The following PHLPP1 variants were observed in gnomAD, a reference collection of about 807,000 sequenced individuals.
PHLPP1 encodes the protein PH domain and leucine rich repeat protein phosphatase 1, also known as PH domain leucine-rich repeat-containing protein phosphatase 1.
A neutral mutation model predicts 117.2 loss-of-function variants in PHLPP1; 42 were observed. The ratio of observed to expected loss-of-function variants is 0.36; its 90% CI spans 0.28 to 0.46. PHLPP1 has a LOEUF of 0.46. Among genes scored for constraint, PHLPP1 ranks in the 20% least tolerant of loss-of-function variants. The pLI, the probability that PHLPP1 is intolerant of heterozygous loss-of-function variation, is 1.00. For synonymous variants in PHLPP1, 1,042 were observed against 970.7 expected, an observed-to-expected ratio of 1.07 and a Z score of -1.37; for missense variants, 2,084 against 2,241.9, an observed-to-expected ratio of 0.93 and a Z score of 1.42.
intron 16 of PHLPP1, among the ~76,000 whole-genome samples, chr18:62,976,271 G>A (rs1162334940): frequency 1.3e-5 from 2 of 152,154 alleles, no homozygotes; most frequent in Non-Finnish European, 2.9e-5. Flanking sequence ...ATCCTACAGC[G>A]CTGCTAGGAC....
At chr18:62,878,198 G>A (rs1381461866) in intron 4 of PHLPP1, among the ~76,000 whole-genome samples, 1 of 152,176 alleles carries the variant, frequency 6.6e-6, no homozygotes, top group African/African-American at 2.4e-5. Context: ...ACAGCTCCTA[G>A]TGCATAGTAA....
At chr18:62,768,644 C>T (rs923877363) in intron 1 of PHLPP1, among the ~76,000 whole-genome samples, 1 of 152,122 alleles carries the variant, frequency 6.6e-6, no homozygotes, top group African/African-American at 2.4e-5. Flanking sequence ...AAATATAATT[C>T]TGCTGAGCTT....
At chr18:62,951,691 G>A (rs11872204) in intron 12 of PHLPP1, among the ~76,000 whole-genome samples, 17,313 of 151,372 alleles carry the variant, frequency 0.11, 1,279 homozygotes, top group African/African-American at 0.21. Context: ...TTTTTTTAAT[G>A]TAAAAATAAT....
chr18:62,725,131 G>GT (rs1165610319), intron 1 of PHLPP1, among the ~76,000 whole-genome samples: 21 of 152,176 alleles, frequency 1.4e-4, no homozygotes, highest in Non-Finnish European at 1.3e-4. Flanking sequence ...GGCTGAGTCG[G>GT]GCAGATCACC....
chr18:62,736,931 A>T (rs1381423754), intron 1 of PHLPP1, among the ~76,000 whole-genome samples: 1 of 152,252 alleles, frequency 6.6e-6, no homozygotes, highest in Non-Finnish European at 1.5e-5. Flanking sequence ...AGCTATGGCT[A>T]TCAGACAGAA....
chr18:62,813,675 C>T (rs1266888437), intron 1 of PHLPP1, among the ~76,000 whole-genome samples: 1 of 152,164 alleles, frequency 6.6e-6, no homozygotes. Context: ...AAATCTCACG[C>T]TCCTGCCCAG....
chr18:62,880,967 T>C (rs895489605), intron 4 of PHLPP1, among the ~76,000 whole-genome samples: 2 of 152,356 alleles, frequency 1.3e-5, no homozygotes, highest in Admixed American at 1.3e-4. Context: ...TATTTGTTAT[T>C]GTATCCATAG....
intron 2 of PHLPP1, among the ~76,000 whole-genome samples, chr18:62,837,345 A>AT (rs1453370698): frequency 1.3e-5 from 2 of 152,018 alleles, no homozygotes; most frequent in African/African-American, 4.8e-5. Context: ...GGTAAAACAT[A>AT]TTTTTTCTAA....
chr18:62,957,186 G>A lies in PHLPP1; in HGVS notation c.3325-1443G>A, dbSNP rs75433733. ...TTGTATCTAGAGCGCTGACCACTCCGTTTCTCTTGTGTATGCTGAGCCTTC... is the reference window on the plus strand; with the variant it reads ...TTGTATCTAGAGCGCTGACCACTCCATTTCTCTTGTGTATGCTGAGCCTTC... On this transcript the variant is annotated intron_variant, in intron 12 of 16. Coordinates refer to ENST00000262719, the MANE Select transcript of PHLPP1 (RefSeq NM_194449.4). Among the ~76,000 whole-genome samples the A allele has an allele frequency of 6.2e-4, 95 of 152,212 alleles. 2 individuals are homozygous for A. The East Asian group carries it at 0.016, about 25-fold the overall frequency.
intron 1 of PHLPP1, 41 bp downstream of exon 1, chr18:62,717,300 G>A (rs759690618): frequency 6.5e-7 from 1 of 1,533,336 alleles, no homozygotes; most frequent in Admixed American, 2.0e-5. Flanking sequence ...TGCAAAAGCT[G>A]CCGAGGACCG....
chr18:62,782,693 ATC>A lies in PHLPP1; in HGVS notation c.1577-47340_1577-47339del, dbSNP rs146345974. Among the ~76,000 whole-genome samples, 330 of 152,312 alleles carry A rather than the reference ATC, an allele frequency of 2.2e-3. 3 individuals carry two copies. Among genetic ancestry groups the A allele is most frequent in the African/African-American group, 7.6e-3 (316 of 41,564 alleles). On this transcript the variant is annotated intron_variant, in intron 1 of 16. Coordinates refer to ENST00000262719, the MANE Select transcript of PHLPP1 (RefSeq NM_194449.4). ...TTTTATCCTATTCACTGACTTTAAT[ATC>A]TATCCCTAGGTAAGATAGGGATAAA...
chr18:62,967,832 T>C (rs911325008), intron 14 of PHLPP1, among the ~76,000 whole-genome samples: 2 of 151,954 alleles, frequency 1.3e-5, no homozygotes, highest in African/African-American at 4.8e-5. Flanking sequence ...ATTTTTCTTT[T>C]TTTTTTTTTT....
At chr18:62,878,778 TTGTGTG>T (rs138248935) in intron 4 of PHLPP1, among the ~76,000 whole-genome samples, 7 of 150,154 alleles carry the variant, frequency 4.7e-5, no homozygotes, top group Non-Finnish European at 8.9e-5. Flanking sequence ...ACTCCTCATA[TTGTGTG>T]TGTGTGTGTG....
intron 4 of PHLPP1, among the ~76,000 whole-genome samples, chr18:62,875,867 G>C (rs1348399374): frequency 1.3e-5 from 2 of 151,848 alleles, no homozygotes; most frequent in Non-Finnish European, 2.9e-5. Context: ...TGAGTAGCTG[G>C]GATTACAGGT....
In PHLPP1 at chr18:62,838,879, A is replaced by C. The variant is rs772370053; in HGVS notation, c.1869A>C (p.Glu623Asp). 3.1e-6 allele frequency: 5 copies of C among 1,613,804 alleles called. No individual in the cohort carries two copies. Among genetic ancestry groups the C allele is most frequent in the Non-Finnish European group, 8.5e-7 (1 of 1,179,840 alleles). The change falls in exon 3 of 17, where the codon GAA (glutamate) becomes GAC (aspartate). Residue 623 changes from glutamate to aspartate, a missense_variant. Glu to Asp is a conservative substitution (Grantham distance 45). Coordinates refer to ENST00000262719, the MANE Select transcript of PHLPP1 (RefSeq NM_194449.4). ...TYYICFDTFT[E>D]YLRWLRQVSK... ...ACATTTGCTTTGATACTTTCACAGA[A>C]TACTTAAGGTGGCTGCGACAAGTCT...
intron 1 of PHLPP1, among the ~76,000 whole-genome samples, chr18:62,771,050 C>T (rs1367441795): frequency 1.3e-5 from 2 of 151,822 alleles, no homozygotes; most frequent in Admixed American, 6.6e-5. Context: ...CCTATCTATA[C>T]TAAAAATACA....
At chr18:62,747,628 C>T (rs1911718344) in intron 1 of PHLPP1, among the ~76,000 whole-genome samples, 3 of 152,058 alleles carry the variant, frequency 2.0e-5, no homozygotes, top group African/African-American at 4.8e-5. Context: ...GCGATTCTCC[C>T]ACCTCAGCCT....
chr18:62,829,751 C>CA (rs1022112763), intron 1 of PHLPP1, among the ~76,000 whole-genome samples: 43 of 149,260 alleles, frequency 2.9e-4, no homozygotes, highest in Admixed American at 8.0e-4. Context: ...AACTCCATCT[C>CA]AAAAAAAAAG....
At chr18:62,833,626 G>A (rs951875587) in intron 2 of PHLPP1, among the ~76,000 whole-genome samples, 2 of 152,030 alleles carry the variant, frequency 1.3e-5, no homozygotes, top group Non-Finnish European at 2.9e-5. Context: ...TGTTTTTGAT[G>A]TGTATAAAAG....
Sources: allele counts gnomAD v4.1 joint callset (sites outside exome capture counted in the v4.1 genomes callset), GRCh38; gene constraint gnomAD v4.1.1; transcripts MANE v1.5; gene names NCBI Gene and HGNC (gene_info 2026-07-23, HGNC 2026-07-21).